TAS2R1: variants seen among roughly 807,000 people sequenced by gnomAD.
TAS2R1 encodes taste 2 receptor member 1.
For synonymous variants in TAS2R1, 141 were observed against 134.2 expected, an observed-to-expected ratio of 1.05 and a Z score of -0.35; for missense variants, 370 against 353.4, an observed-to-expected ratio of 1.05 and a Z score of -0.38.
the TAS2R1 span, among the ~76,000 whole-genome samples, chr5:9,825,287 A>G: frequency 6.6e-6 from 1 of 152,222 alleles, no homozygotes; most frequent in Non-Finnish European, 1.5e-5. Context: ...AGGCCTCACA[A>G]TCACAGCAGA....
chr5:9,841,917 G>A, the TAS2R1 span, among the ~76,000 whole-genome samples: 1 of 152,284 alleles, frequency 6.6e-6, no homozygotes, highest in East Asian at 1.9e-4. Flanking sequence ...GTGGAATTTG[G>A]AGGCCAGGAG....
upstream of TAS2R1, chr5:9,714,039 C>T (rs989074050): frequency 1.3e-5 from 2 of 152,188 alleles, no homozygotes; most frequent in South Asian, 4.1e-4. Context: ...CACTGGAACA[C>T]ATTTTCTCAC....
chr5:9,640,067 C>G (rs1194922268), intron 2 of TAS2R1, among the ~76,000 whole-genome samples: 2 of 152,162 alleles, frequency 1.3e-5, no homozygotes, highest in Non-Finnish European at 2.9e-5. Context: ...CTAAGATTAA[C>G]CATTTCTAGC....
At chr5:9,668,219 A>C (rs1438490970) in intron 1 of TAS2R1, among the ~76,000 whole-genome samples, 1 of 152,174 alleles carries the variant, frequency 6.6e-6, no homozygotes, top group Non-Finnish European at 1.5e-5. Context: ...AAAATAAATA[A>C]AACAATAAGG....
chr5:9,691,691 G>A (rs1741252533), intron 1 of TAS2R1, among the ~76,000 whole-genome samples: 1 of 152,236 alleles, frequency 6.6e-6, no homozygotes, highest in South Asian at 2.1e-4. Context: ...GCCAGGTGGG[G>A]CCTGTGTTCC....
chr5:9,819,475 G>A, the TAS2R1 span, among the ~76,000 whole-genome samples: 3 of 152,250 alleles, frequency 2.0e-5, no homozygotes, highest in South Asian at 2.1e-4. Context: ...CATCAGAATC[G>A]CTGAGCACAC....
chr5:9,735,518 C>T, the TAS2R1 span, among the ~76,000 whole-genome samples: 6 of 150,902 alleles, frequency 4.0e-5, no homozygotes, highest in South Asian at 4.2e-4. Context: ...GTGTATCAAA[C>T]AAAACCCCCT....
chr5:9,666,364 G>T (rs573047190), intron 1 of TAS2R1, among the ~76,000 whole-genome samples: 1 of 152,252 alleles, frequency 6.6e-6, no homozygotes, highest in East Asian at 1.9e-4. Flanking sequence ...GCTCTATGAA[G>T]CTCACATCTG....
At chr5:9,812,390 T>C in the TAS2R1 span, among the ~76,000 whole-genome samples, 3 of 152,090 alleles carry the variant, frequency 2.0e-5, no homozygotes, top group East Asian at 5.8e-4. Context: ...ATTTTACATG[T>C]GTTGAGCTTG....
the TAS2R1 span, among the ~76,000 whole-genome samples, chr5:9,830,210 T>TGG: frequency 8.3e-3 from 1,266 of 151,766 alleles, 62 homozygotes; most frequent in Admixed American, 0.069. Flanking sequence ...GATGGATGGA[T>TGG]AGACAGATAG....
At chr5:9,659,767 T>C (rs1005054563) in intron 1 of TAS2R1, 2 of 152,082 alleles carry the variant, frequency 1.3e-5, no homozygotes, top group Non-Finnish European at 2.9e-5. Flanking sequence ...CACCAACAGA[T>C]TTGGCTTTAA....
chr5:9,720,259 G>C, the TAS2R1 span, among the ~76,000 whole-genome samples: 3 of 152,166 alleles, frequency 2.0e-5, no homozygotes, highest in Non-Finnish European at 2.9e-5. Flanking sequence ...ACTTACTCTC[G>C]TGGATCTGCG....
the TAS2R1 span, among the ~76,000 whole-genome samples, chr5:9,838,226 C>T: frequency 1.1e-4 from 17 of 152,102 alleles, no homozygotes; most frequent in Admixed American, 1.0e-3. Flanking sequence ...GTAAAAGTGC[C>T]CAGGAATCTT....
chr5:9,783,419 A>G, the TAS2R1 span, among the ~76,000 whole-genome samples: 1 of 152,176 alleles, frequency 6.6e-6, no homozygotes, highest in Non-Finnish European at 1.5e-5. Flanking sequence ...CCCCATCCAG[A>G]GACTCCTCCC....
At chr5:9,826,865 C>A in the TAS2R1 span, among the ~76,000 whole-genome samples, 14 of 152,128 alleles carry the variant, frequency 9.2e-5, no homozygotes, top group Admixed American at 2.6e-4. Context: ...GATTTTCCTG[C>A]CTTCTACTTA....
chr5:9,863,390 G>A, the TAS2R1 span, among the ~76,000 whole-genome samples: 1 of 151,284 alleles, frequency 6.6e-6, no homozygotes, highest in Non-Finnish European at 1.5e-5. Flanking sequence ...TCCTGCCTCA[G>A]CCTACCGAGT....
At chr5:9,654,040 G>A (rs1034598791) in intron 2 of TAS2R1, among the ~76,000 whole-genome samples, 38 of 152,114 alleles carry the variant, frequency 2.5e-4, no homozygotes, top group African/African-American at 7.7e-4. Context: ...CTCTGGTGGC[G>A]TGCCATGAGA....
the TAS2R1 span, among the ~76,000 whole-genome samples, chr5:9,776,046 GC>G: frequency 6.6e-6 from 1 of 152,158 alleles, no homozygotes; most frequent in Non-Finnish European, 1.5e-5. Flanking sequence ...GACCCAGACT[GC>G]CTTTCAGGTT....
the TAS2R1 span, among the ~76,000 whole-genome samples, chr5:9,725,229 C>G: frequency 6.6e-6 from 1 of 152,246 alleles, no homozygotes; most frequent in Non-Finnish European, 1.5e-5. Context: ...GCCCTTCAGC[C>G]CGCTGCTGCA....
Sources: allele counts gnomAD v4.1 joint callset (sites outside exome capture counted in the v4.1 genomes callset), GRCh38; gene constraint gnomAD v4.1.1; transcripts MANE v1.5; gene names NCBI Gene and HGNC (gene_info 2026-07-23, HGNC 2026-07-21).